MAD1L1: variants seen among roughly 807,000 people sequenced by gnomAD.
MAD1L1 encodes mitotic arrest deficient 1 like 1, also known as mitotic spindle assembly checkpoint protein MAD1.
MAD1L1 carries 95 observed loss-of-function variants against 96.9 expected under a neutral mutation model. That is an observed-to-expected ratio of 0.98 (90% CI 0.83 to 1.16). The LOEUF (loss-of-function observed/expected upper bound fraction) is 1.16, where lower values mean the gene tolerates loss of function less well. Ranked by LOEUF, MAD1L1 falls within the 50% of genes most tolerant of loss-of-function variation. The pLI, the probability that MAD1L1 is intolerant of heterozygous loss-of-function variation, is 0.00. For synonymous variants in MAD1L1, 473 were observed against 396.6 expected (o/e 1.19, Z -2.29); for missense variants, 1,007 against 954.4 (o/e 1.06, Z -0.73).
chr7:1,950,723 G>C (rs1054380590), intron 16 of MAD1L1, among the ~76,000 whole-genome samples: 3 of 152,222 alleles, frequency 2.0e-5, no homozygotes, highest in East Asian at 1.9e-4. Flanking sequence ...AGGCCCACAG[G>C]GGGAGGGTGC....
At position 1,880,854 on chromosome 7, in the gene MAD1L1, C is replaced by T. The variant is rs375398966; in HGVS notation, c.1998+17346G>A. 3.3e-5 allele frequency among the ~76,000 whole-genome samples: 5 copies of T among 152,224 alleles called. No individual in the cohort carries two copies. The South Asian group carries it at 8.3e-4, about 25-fold the overall frequency. On this transcript the variant is annotated intron_variant, in intron 18 of 18. Transcript: ENST00000265854. ...CTGAGAGACGGTGAGCTGGGAACAGCCCCATCTTCCCCGCTGCTCCCTGCC... is the reference window on the plus strand; with the variant it reads ...CTGAGAGACGGTGAGCTGGGAACAGTCCCATCTTCCCCGCTGCTCCCTGCC...
chr7:1,877,972 T>C (rs1430171204), intron 18 of MAD1L1, among the ~76,000 whole-genome samples: 1 of 152,124 alleles, frequency 6.6e-6, no homozygotes, highest in Non-Finnish European at 1.5e-5. Flanking sequence ...ATGATATGTA[T>C]TGCCAAAATC....
chr7:1,868,477 A>ACCCAC (rs142108032), intron 18 of MAD1L1, among the ~76,000 whole-genome samples: 39,319 of 116,012 alleles, frequency 0.34, 4,784 homozygotes, highest in East Asian at 0.48. Context: ...GAGGCCTCCC[A>ACCCAC]CCCACCCCAC....
rs532788543 is a variant in MAD1L1, at chr7:1,860,753, C to T, written c.1998+37447G>A. On this transcript the variant is annotated intron_variant, in intron 18 of 18. Coordinates refer to ENST00000265854, the MANE Select transcript of MAD1L1 (RefSeq NM_001013836.2). The stretch of plus-strand genomic sequence containing the variant: ...ATCACCCCGGGGCCTGACCTCCGCT[C>T]ACATCTCAGGATTCTCTGAAGTGCT... 3.3e-5 allele frequency among the ~76,000 whole-genome samples: 5 copies of T among 152,178 alleles called. No individual in the cohort carries two copies. The East Asian group carries it at 9.7e-4, about 30-fold the overall frequency.
chr7:1,931,241 T>A (rs994369730), intron 17 of MAD1L1, among the ~76,000 whole-genome samples: 1 of 135,418 alleles, frequency 7.4e-6, no homozygotes, highest in Non-Finnish European at 1.6e-5. Context: ...CCCCAACTCC[T>A]CACCCCACGC....
chr7:1,862,284 G>C (rs114137026), intron 18 of MAD1L1, among the ~76,000 whole-genome samples: 1,982 of 152,322 alleles, frequency 0.013, 38 homozygotes, highest in African/African-American at 0.045. Context: ...CAGCTGTGAG[G>C]ACTGAAATAT....
intron 14 of MAD1L1, 172 bp from the exon 15 acceptor site, chr7:1,980,713 T>C (rs1583985450): frequency 1.4e-6 from 1 of 706,642 alleles, no homozygotes; most frequent in Non-Finnish European, 2.6e-6. Flanking sequence ...GACAGCACTC[T>C]AACTTTGCAA....
rs980386083 is a variant in MAD1L1 at position 2,149,684 on chromosome 7, C to T, written c.987-446G>A. Among the ~76,000 whole-genome samples the T allele has an allele frequency of 2.8e-4, 42 of 152,200 alleles. 1 individual carries two copies. The highest frequency in any genetic ancestry group is 2.7e-3 in the Admixed American group (42 of 15,284). ...GTGTAGCGCTTTCTACTTTCCAGGA[C>T]GATTCCAGATTGTCTCAGTGAATGC... is the stretch of plus-strand genomic sequence containing the variant. On this transcript the variant is annotated intron_variant, in intron 10 of 18. Coordinates refer to ENST00000265854, the MANE Select transcript of MAD1L1 (RefSeq NM_001013836.2).
rs139794269 is a variant in MAD1L1, at chr7:1,863,955, G to A, written c.1998+34245C>T. 9.3e-3 allele frequency among the ~76,000 whole-genome samples: 1,420 copies of A among 152,322 alleles called. 13 individuals are homozygous for A. Among genetic ancestry groups the A allele is most frequent in the Non-Finnish European group, 0.015 (1,034 of 68,030 alleles). ...TACAAAAAATTAGCCAGGCATGGTG[G>A]CACGCACCTGTAATCCCAGCTACTC... On this transcript the variant is annotated intron_variant, in intron 18 of 18. Coordinates refer to ENST00000265854, the MANE Select transcript of MAD1L1 (RefSeq NM_001013836.2).
At chr7:2,007,688 C>CA (rs1008367189) in intron 13 of MAD1L1, among the ~76,000 whole-genome samples, 1 of 151,948 alleles carries the variant, frequency 6.6e-6, no homozygotes, top group African/African-American at 2.4e-5. Context: ...CTGTCCCCGC[C>CA]AAAAAAAGTT....
intron 10 of MAD1L1, among the ~76,000 whole-genome samples, chr7:2,176,322 T>C (rs905149564): frequency 2.6e-5 from 4 of 152,116 alleles, no homozygotes; most frequent in African/African-American, 7.2e-5. Flanking sequence ...CACTCCAGAC[T>C]GGGTGAAGAG....
chr7:2,189,010 C>T (rs939386308), intron 10 of MAD1L1, among the ~76,000 whole-genome samples: 5 of 152,076 alleles, frequency 3.3e-5, no homozygotes, highest in South Asian at 2.1e-4. Flanking sequence ...CAAGAACAGG[C>T]GAAGAACCTG....
intron 18 of MAD1L1, among the ~76,000 whole-genome samples, chr7:1,820,068 G>A (rs974863288): frequency 5.9e-5 from 9 of 152,156 alleles, no homozygotes; most frequent in Non-Finnish European, 1.0e-4. Context: ...TTCATCTGTG[G>A]GGTGGCGTGA....
At chr7:2,163,248 A>G (rs1282288554) in intron 10 of MAD1L1, among the ~76,000 whole-genome samples, 1 of 152,232 alleles carries the variant, frequency 6.6e-6, no homozygotes, top group African/African-American at 2.4e-5. Context: ...GTGATCACAG[A>G]GCCCAGGGGC....
intron 12 of MAD1L1, among the ~76,000 whole-genome samples, chr7:2,057,254 G>A (rs552860633): frequency 3.3e-5 from 5 of 152,324 alleles, no homozygotes; most frequent in Admixed American, 6.5e-5. Flanking sequence ...GACCGAGCGC[G>A]GTGCCTCATG....
intron 10 of MAD1L1, among the ~76,000 whole-genome samples, chr7:2,190,458 T>C (rs775218933): frequency 3.3e-5 from 5 of 151,960 alleles, no homozygotes; most frequent in Admixed American, 1.3e-4. Context: ...AGAAAATGAA[T>C]TGATAAATCA....
At chr7:2,225,354 C>T (rs1196449329) in intron 4 of MAD1L1, 56 bp downstream of exon 4, 3 of 1,601,108 alleles carry the variant, frequency 1.9e-6, no homozygotes, top group Non-Finnish European at 2.6e-6. Context: ...GTACCGTGCA[C>T]AGCCCCCTTG....
intron 17 of MAD1L1, among the ~76,000 whole-genome samples, chr7:1,931,422 T>C (rs1031950449): frequency 3.9e-5 from 6 of 152,244 alleles, no homozygotes; most frequent in Non-Finnish European, 7.3e-5. Flanking sequence ...TGCACATGAG[T>C]TAAGAGCCCA....
chr7:1,839,317 TCCTGCCTGGCAGGAAAGCGTCCTGCCC>T (rs71023363), intron 18 of MAD1L1, among the ~76,000 whole-genome samples: 2,793 of 69,516 alleles, frequency 0.04, 87 homozygotes, highest in African/African-American at 0.12. Context: ...GGGCTCTGCC[TCCTGCCTGGCAGGAAAGCGTCCTGCCC>T]CCTGCCTGGC....
Sources: gnomAD v4.1 joint callset for allele counts (sites outside exome capture counted in the v4.1 genomes callset) on GRCh38, gnomAD v4.1.1 for gene constraint, MANE v1.5 for transcripts, NCBI Gene and HGNC (gene_info 2026-07-23, HGNC 2026-07-21) for gene names.